ASTN2: variants seen among roughly 807,000 people sequenced by gnomAD.
The protein encoded by ASTN2 is astrotactin 2.
A neutral mutation model predicts 139.8 loss-of-function variants in ASTN2; 54 were observed. That is an observed-to-expected ratio of 0.39 (90% CI 0.31 to 0.48). The LOEUF is 0.48. Among genes scored for constraint, ASTN2 ranks in the 20% least tolerant of loss-of-function variants. ASTN2 has a pLI of 0.95. For synonymous variants in ASTN2, 756 were observed against 719.5 expected, an observed-to-expected ratio of 1.05 and a Z score of -0.81; for missense variants, 1,565 against 1,725.1, an observed-to-expected ratio of 0.91 and a Z score of 1.64.
At chr9:116,817,006 G>A (rs138732156) in intron 12 of ASTN2, among the ~76,000 whole-genome samples, 1,735 of 152,124 alleles carry the variant, frequency 0.011, 92 homozygotes, top group Admixed American at 0.092. Context: ...TTGAAAGGAT[G>A]AATATTGGCC....
chr9:117,053,903 T>C (rs1357696160), intron 5 of ASTN2, among the ~76,000 whole-genome samples: 1 of 152,182 alleles, frequency 6.6e-6, no homozygotes. Context: ...ATTTTTGCTT[T>C]CTGATCTATT....
chr9:117,324,141 T>G (rs894694520), intron 1 of ASTN2, among the ~76,000 whole-genome samples: 3 of 152,224 alleles, frequency 2.0e-5, no homozygotes, highest in African/African-American at 7.2e-5. Context: ...GCCACACTCA[T>G]GCAAGCTCAC....
At chr9:116,505,978 CCCCCAA>C (rs1850094433) in intron 19 of ASTN2, among the ~76,000 whole-genome samples, 1 of 152,158 alleles carries the variant, frequency 6.6e-6, no homozygotes, top group African/African-American at 2.4e-5. Context: ...AAATGGTATG[CCCCCAA>C]CCTCTATCCT....
At chr9:117,023,227 C>T (rs12341741) in intron 6 of ASTN2, among the ~76,000 whole-genome samples, 35,058 of 151,982 alleles carry the variant, frequency 0.23, 4,408 homozygotes, top group Middle Eastern at 0.29. Flanking sequence ...TCCTTGTCCA[C>T]AGAAAGGAAA....
intron 1 of ASTN2, among the ~76,000 whole-genome samples, chr9:117,385,011 A>C (rs1391892325): frequency 6.6e-6 from 1 of 152,208 alleles, no homozygotes; most frequent in Non-Finnish European, 1.5e-5. Flanking sequence ...TCCATAGTTC[A>C]GTTCCAGTGT....
intron 10 of ASTN2, among the ~76,000 whole-genome samples, chr9:116,892,888 C>T (rs1030710221): frequency 6.6e-6 from 1 of 152,118 alleles, no homozygotes; most frequent in Non-Finnish European, 1.5e-5. Flanking sequence ...TTGGTATACA[C>T]ACTTCCCAAA....
intron 2 of ASTN2, among the ~76,000 whole-genome samples, chr9:117,251,047 G>T (rs1443490185): frequency 6.6e-6 from 1 of 152,152 alleles, no homozygotes; most frequent in Non-Finnish European, 1.5e-5. Context: ...ACAAGAAGGA[G>T]TGGGAGCGCA....
intron 6 of ASTN2, among the ~76,000 whole-genome samples, chr9:117,009,881 A>T (rs756370657): frequency 3.9e-5 from 6 of 152,128 alleles, no homozygotes; most frequent in Non-Finnish European, 8.8e-5. Context: ...GGGAGGTGGG[A>T]TCACATCAGA....
At chr9:116,709,464 A>G (rs1828083063) in intron 16 of ASTN2, among the ~76,000 whole-genome samples, 2 of 152,236 alleles carry the variant, frequency 1.3e-5, no homozygotes, top group Admixed American at 6.5e-5. Context: ...ACAGGACCCA[A>G]GTCAGCACAA....
intron 1 of ASTN2, among the ~76,000 whole-genome samples, chr9:117,306,105 G>A (rs1214554811): frequency 6.6e-6 from 1 of 152,142 alleles, no homozygotes; most frequent in Non-Finnish European, 1.5e-5. Context: ...AATATCCTCA[G>A]GGTGTCGGAC....
chr9:117,142,271 C>A (rs1415521001), intron 3 of ASTN2, among the ~76,000 whole-genome samples: 1 of 152,064 alleles, frequency 6.6e-6, no homozygotes, highest in African/African-American at 2.4e-5. Context: ...ACTTTGAAAA[C>A]AATCACTAAC....
At chr9:116,851,992 G>A (rs1233532268) in intron 11 of ASTN2, among the ~76,000 whole-genome samples, 1 of 152,192 alleles carries the variant, frequency 6.6e-6, no homozygotes, top group Non-Finnish European at 1.5e-5. Flanking sequence ...AAGGACAGGA[G>A]CATAGCTGAG....
intron 7 of ASTN2, among the ~76,000 whole-genome samples, chr9:116,997,490 C>T (rs1300873615): frequency 6.6e-6 from 1 of 151,976 alleles, no homozygotes; most frequent in Admixed American, 6.6e-5. Flanking sequence ...TTTTTCAAGT[C>T]AACTTATTCA....
At chr9:117,195,433 A>G (rs572239048) in intron 3 of ASTN2, among the ~76,000 whole-genome samples, 16 of 152,294 alleles carry the variant, frequency 1.1e-4, no homozygotes, top group African/African-American at 3.6e-4. Context: ...GACTGGAGTG[A>G]TCACAACAGA....
intron 10 of ASTN2, among the ~76,000 whole-genome samples, chr9:116,899,262 G>T (rs1285695417): frequency 6.6e-6 from 1 of 152,156 alleles, no homozygotes; most frequent in African/African-American, 2.4e-5. Flanking sequence ...AACTGCTGGA[G>T]TTAAATCCAA....
rs1049630906 is a variant in ASTN2, at chr9:116,883,943, C to A, written c.1890-20210G>T. On this transcript the variant is annotated intron_variant, in intron 10 of 22. Transcript: ENST00000313400. Reference sequence around the variant, plus strand: ...TTGAGAACAGTGTTGAGTGAAGATGCTGAGTTTCATGTAGCCAGACCAGAA... The same window carrying A: ...TTGAGAACAGTGTTGAGTGAAGATGATGAGTTTCATGTAGCCAGACCAGAA... Among the ~76,000 whole-genome samples, 6 of 152,174 alleles carry A rather than the reference C, an allele frequency of 3.9e-5. No individual in the cohort carries two copies. The East Asian group carries it at 1.2e-3, about 29-fold the overall frequency.
intron 19 of ASTN2, among the ~76,000 whole-genome samples, chr9:116,549,574 A>G (rs954728046): frequency 3.9e-5 from 6 of 152,202 alleles, no homozygotes; most frequent in African/African-American, 1.2e-4. Context: ...GGCAGGAGGC[A>G]GGATAGATGC....
chr9:117,299,394 A>T (rs1408684675), intron 1 of ASTN2, among the ~76,000 whole-genome samples: 2 of 152,224 alleles, frequency 1.3e-5, no homozygotes, highest in Admixed American at 6.5e-5. Context: ...ATAAATAGCT[A>T]TAAAGCAAAG....
At chr9:117,025,054 C>T (rs1202893190) in intron 6 of ASTN2, among the ~76,000 whole-genome samples, 7 of 152,042 alleles carry the variant, frequency 4.6e-5, no homozygotes, top group Non-Finnish European at 7.4e-5. Context: ...GTGAGTCAAA[C>T]CTCCTTCCTC....
Sources: gnomAD v4.1 joint callset for allele counts (sites outside exome capture counted in the v4.1 genomes callset) on GRCh38, gnomAD v4.1.1 for gene constraint, MANE v1.5 for transcripts, NCBI Gene and HGNC (gene_info 2026-07-23, HGNC 2026-07-21) for gene names.